The following ANK3 variants were observed in gnomAD, a reference collection of about 807,000 sequenced individuals.
ANK3 encodes ankyrin-3.
A neutral mutation model predicts 370.9 loss-of-function variants in ANK3; 57 were observed. The observed-to-expected ratio is 0.15, with a 90% CI of 0.12 to 0.19. The LOEUF (loss-of-function observed/expected upper bound fraction) is 0.19. Among genes scored for constraint, ANK3 ranks in the 10% least tolerant of loss-of-function variants. The pLI, the probability that ANK3 is intolerant of heterozygous loss-of-function variation, is 1.00. For synonymous variants in ANK3, 1,929 were observed against 1,946.3 expected (o/e 0.99, Z 0.23); for missense variants, 4,439 against 5,302.1 (o/e 0.84, Z 5.06).
chr10:60,721,061 C>T (rs1242850044), intron 1 of ANK3, among the ~76,000 whole-genome samples: 1 of 152,130 alleles, frequency 6.6e-6, no homozygotes, highest in Non-Finnish European at 1.5e-5. Context: ...ATAAAAATAT[C>T]CAATTAGTAA....
chr10:60,220,572 T>C (rs2097031184), intron 8 of ANK3, among the ~76,000 whole-genome samples: 1 of 152,196 alleles, frequency 6.6e-6, no homozygotes, highest in Non-Finnish European at 1.5e-5. Flanking sequence ...AGATATTCCT[T>C]TGTATTGATA....
intron 39 of ANK3, among the ~76,000 whole-genome samples, chr10:60,063,853 T>C (rs577345225): frequency 2.0e-5 from 3 of 152,332 alleles, no homozygotes; most frequent in East Asian, 3.9e-4. Context: ...CTGTGTCCCA[T>C]GATTTAACAA....
chr10:60,653,933 T>C (rs377374451), intron 1 of ANK3, among the ~76,000 whole-genome samples: 14 of 152,324 alleles, frequency 9.2e-5, no homozygotes, highest in East Asian at 7.7e-4. Flanking sequence ...ACTGACACTA[T>C]AGATGAATTC....
intron 4 of ANK3, among the ~76,000 whole-genome samples, chr10:60,277,417 G>T (rs7068507): frequency 0.47 from 72,129 of 152,008 alleles, 17,379 homozygotes; most frequent in East Asian, 0.64. Context: ...GTTATAACTG[G>T]ATTCATATAT....
chr10:60,337,693 C>T (rs2053331620), intron 1 of ANK3, among the ~76,000 whole-genome samples: 1 of 152,126 alleles, frequency 6.6e-6, no homozygotes, highest in Non-Finnish European at 1.5e-5. Context: ...CACAGCTATC[C>T]ATTAAGCCCC....
chr10:60,185,877 CAA>C (rs554630816), intron 17 of ANK3, among the ~76,000 whole-genome samples: 310 of 152,254 alleles, frequency 2.0e-3, no homozygotes, highest in African/African-American at 7.2e-3. Context: ...CTTTGCTTGA[CAA>C]AACTCTAGTC....
intron 1 of ANK3, among the ~76,000 whole-genome samples, chr10:60,330,234 T>C (rs2050897360): frequency 2.6e-5 from 4 of 151,972 alleles, no homozygotes. Flanking sequence ...GGGCGAAGAC[T>C]TCATGACCAA....
intron 39 of ANK3, 120 bp from the exon 40 acceptor site, chr10:60,063,374 A>G (rs1048063885): frequency 3.3e-6 from 3 of 907,286 alleles, no homozygotes; most frequent in East Asian, 2.7e-5. Flanking sequence ...TTCTTACTCC[A>G]TCTCTGCAAT....
chr10:60,621,283 T>A (rs1036153425), intron 1 of ANK3, among the ~76,000 whole-genome samples: 2 of 152,088 alleles, frequency 1.3e-5, no homozygotes, highest in Non-Finnish European at 1.5e-5. Context: ...GAGAGAGAGG[T>A]GCTAGAACAG....
chr10:60,475,019 T>C (rs1001152527), intron 2 of ANK3, among the ~76,000 whole-genome samples: 1 of 152,152 alleles, frequency 6.6e-6, no homozygotes, highest in South Asian at 2.1e-4. Flanking sequence ...AAACCTTTAG[T>C]CTTACCTATT....
intron 28 of ANK3, among the ~76,000 whole-genome samples, chr10:60,102,083 GGCT>G (rs2091361947): frequency 6.6e-6 from 1 of 151,220 alleles, no homozygotes; most frequent in African/African-American, 2.4e-5. Flanking sequence ...CGATGACCAG[GGCT>G]TTTACTAGCT....
Position 60,074,124 on chromosome 10 carries a change from C to T in ANK3, c.6757G>A (p.Val2253Ile). 2 of 1,613,842 alleles carry T rather than the reference C, an allele frequency of 1.2e-6. No individual in the cohort carries two copies. Among genetic ancestry groups the T allele is most frequent in the Non-Finnish European group, 8.5e-7 (1 of 1,179,888 alleles). Residue 2253 changes from valine to isoleucine, a missense_variant, in exon 37 of 44, where the codon GTT (valine) becomes ATT (isoleucine). Coordinates refer to ENST00000280772, the MANE Select transcript of ANK3 (RefSeq NM_020987.5). ...ETHITTTTRM[V>I]YHSPPGGEGA... ...TCACCGCCTGGTGGAGAATGATAAA[C>T]CATTCTGGTGGTTGTGGTTATGTGA...
intron 30 of ANK3, 47 bp downstream of exon 30, chr10:60,086,630 A>G (rs2086747044): frequency 6.7e-7 from 1 of 1,489,124 alleles, no homozygotes; most frequent in Non-Finnish European, 9.2e-7. Flanking sequence ...ATCTTTGTAC[A>G]CAATCTTTGT....
At position 60,261,940 on chromosome 10, in the gene ANK3, G is replaced by T; in HGVS notation, c.717C>A (p.Leu239=). 2 of 1,613,822 alleles carry T rather than the reference G, an allele frequency of 1.2e-6. No individual in the cohort carries two copies. Among genetic ancestry groups the T allele is most frequent in the South Asian group, 1.1e-5 (1 of 91,070 alleles). The change falls in exon 7 of 44, where the codon CTC becomes CTA. Residue 239 remains leucine (L), a synonymous_variant. Coordinates refer to ENST00000280772, the MANE Select transcript of ANK3 (RefSeq NM_020987.5). Reference sequence around the variant, plus strand: ...TATTTCCATAGTGAGCAGCTATGTGGAGCGGAGTGAAGCCACTCTGTAAAG... The same window carrying T: ...TATTTCCATAGTGAGCAGCTATGTGTAGCGGAGTGAAGCCACTCTGTAAAG... ...DVESKSGFTP[L]HIAAHYGNIN...
At chr10:60,685,462 G>A (rs1336373222) in intron 1 of ANK3, among the ~76,000 whole-genome samples, 2 of 152,024 alleles carry the variant, frequency 1.3e-5, no homozygotes, top group African/African-American at 4.8e-5. Flanking sequence ...GCTCATTAAA[G>A]TTCTGGACTA....
At chr10:60,035,738 C>T (rs2074820614) in intron 43 of ANK3, among the ~76,000 whole-genome samples, 1 of 150,948 alleles carries the variant, frequency 6.6e-6, no homozygotes, top group Non-Finnish European at 1.5e-5. Context: ...ACCTATAATC[C>T]CAGCACTTTG....
chr10:60,667,219 TAA>T (rs2079009418), intron 1 of ANK3, among the ~76,000 whole-genome samples: 3 of 103,982 alleles, frequency 2.9e-5, no homozygotes, highest in African/African-American at 4.1e-5. Flanking sequence ...TATATTATAT[TAA>T]TTATATTGAA....
intron 23 of ANK3, among the ~76,000 whole-genome samples, chr10:60,164,443 G>A (rs1335033125): frequency 8.0e-5 from 12 of 150,612 alleles, no homozygotes; most frequent in Admixed American, 1.3e-4. Context: ...AGGAGAGGGC[G>A]ACCAGGTTGC....
At chr10:60,321,587 G>A (rs781297957) in intron 1 of ANK3, among the ~76,000 whole-genome samples, 11 of 152,168 alleles carry the variant, frequency 7.2e-5, no homozygotes, top group Non-Finnish European at 1.5e-5. Context: ...GCATGTATTA[G>A]CTCATTTAAT....
Sources: allele counts gnomAD v4.1 joint callset (sites outside exome capture counted in the v4.1 genomes callset), GRCh38; gene constraint gnomAD v4.1.1; transcripts MANE v1.5; gene names NCBI Gene and HGNC (gene_info 2026-07-23, HGNC 2026-07-21).